ATP13A3: variants seen among roughly 807,000 people sequenced by gnomAD.
ATP13A3 encodes ATPase 13A3, also known as polyamine-transporting ATPase 13A3.
In ATP13A3, 59 loss-of-function variants were observed where a neutral mutation model predicts 158.1. The observed-to-expected ratio is 0.37, with a 90% CI of 0.30 to 0.46. ATP13A3 has a LOEUF of 0.46. Among genes scored for constraint, ATP13A3 ranks in the 20% least tolerant of loss-of-function variants. The probability of loss-of-function intolerance (pLI) is 1.00; values close to 1 mark genes in which losing one functional copy is unlikely to be tolerated. For missense variants in ATP13A3, 1,166 were observed against 1,525.2 expected (o/e 0.76, Z 3.92); for synonymous variants, 491 against 504.3 (o/e 0.97, Z 0.35).
chr3:194,447,718 G>A, intron 13 of ATP13A3, 134 bp downstream of exon 13: 8 of 780,320 alleles, frequency 1.0e-5, no homozygotes, highest in South Asian at 4.0e-5. Flanking sequence ...GACTTTGTTA[G>A]CATTAAATTA....
intron 17 of ATP13A3, among the ~76,000 whole-genome samples, 164 bp downstream of exon 17, chr3:194,438,692 T>C (rs1292962548): frequency 4.6e-5 from 7 of 152,162 alleles, no homozygotes; most frequent in Non-Finnish European, 7.4e-5. Context: ...ATCCCAGCAC[T>C]TGGGGAGGCC....
intron 31 of ATP13A3, among the ~76,000 whole-genome samples, chr3:194,416,119 A>C (rs1560071325): frequency 6.6e-6 from 1 of 152,214 alleles, no homozygotes; most frequent in African/African-American, 2.4e-5. Flanking sequence ...AATTCATCAC[A>C]TTCTTCAGGG....
intron 24 of ATP13A3, 24 bp from the exon 25 acceptor site, chr3:194,430,339 AT>A: frequency 6.2e-7 from 1 of 1,603,592 alleles, no homozygotes; most frequent in South Asian, 1.1e-5. Flanking sequence ...CAATGTTAAG[AT>A]TTTAATTAAT....
Position 194,431,773 on chromosome 3 carries a change from A to C in ATP13A3, c.2365T>G (p.Trp789Gly). 6.2e-7 allele frequency: 1 copy of C among 1,613,176 alleles called. No homozygotes were observed. Among genetic ancestry groups the C allele is most frequent in the Non-Finnish European group, 8.5e-7 (1 of 1,179,652 alleles). Residue 789 changes from tryptophan (W) to glycine (G), a missense_variant, in exon 22 of 34, where the codon TGG (tryptophan) becomes GGG (glycine). Physicochemically the swap from Trp to Gly is radical, Grantham distance 184. Transcript: ENST00000645319. Reference sequence around the variant, plus strand: ...TGCGTGAGGGAGTCTGCATAATGCCAATTTATTTTGGCAACTTTCCCATCC... The same window carrying C: ...TGCGTGAGGGAGTCTGCATAATGCCCATTTATTTTGGCAACTTTCCCATCC... ...PKDGKVAKIN[W>G]HYADSLTQCS...
intron 30 of ATP13A3, chr3:194,424,493 T>C (rs1446788891): frequency 2.0e-5 from 3 of 152,106 alleles, no homozygotes; most frequent in Non-Finnish European, 2.9e-5. Flanking sequence ...GCCTTATAAA[T>C]GCTAATATGA....
intron 31 of ATP13A3, among the ~76,000 whole-genome samples, chr3:194,417,204 C>T (rs562846712): frequency 5.3e-5 from 8 of 152,074 alleles, no homozygotes; most frequent in African/African-American, 1.7e-4. Context: ...GGAGCTCACC[C>T]GAGGTCAAGA....
In ATP13A3 at chr3:194,444,739, T is replaced by C; in HGVS notation, c.1545A>G (p.Arg515=). 2 of 1,595,964 alleles carry C rather than the reference T, an allele frequency of 1.3e-6. No homozygotes were observed. Among genetic ancestry groups the C allele is most frequent in the Admixed American group, 3.7e-5 (2 of 54,424 alleles). ...CTAATATTTACCGTGCATTTTCCAC[T>C]CGTTGAATCCCCCAAAGATCTAAAC... The part of the protein sequence containing the change: ...EDGLDLWGIQ[R]VENARFLSPE... The change falls in exon 15 of 34, where the codon CGA becomes CGG. Residue 515 remains arginine, a synonymous_variant. Coordinates refer to ENST00000645319, the MANE Select transcript of ATP13A3 (RefSeq NM_001367549.1).
intron 30 of ATP13A3, 112 bp from the exon 31 acceptor site, chr3:194,420,079 C>G (rs1443070514): frequency 4.3e-6 from 5 of 1,172,560 alleles, no homozygotes; most frequent in Non-Finnish European, 5.6e-6. Flanking sequence ...TGAATACTTT[C>G]ACTTCAGTTG....
chr3:194,434,013 A>AAGCAAGAAACCCCTGCAGTACTTG, intron 20 of ATP13A3, 117 bp from the exon 21 acceptor site: 1 of 1,076,808 alleles, frequency 9.3e-7, no homozygotes. Context: ...ATGCAGTTTA[A>AAGCAAGAAACCCCTGCAGTACTTG]AATATCTATA....
chr3:194,450,160 C>T lies in ATP13A3; in HGVS notation c.955G>A (p.Glu319Lys). ...VLINGTCIVN[E>K]SMLTGESVPV... ...TTTAGCTTACCTGTTAACATGCTTT[C>T]GTTTACAATGCAGGTACCATTAATA... Residue 319 changes from glutamate (E) to lysine (K), a missense_variant, in exon 11 of 34, where the codon GAA becomes AAA. Physicochemically the swap from Glu to Lys is moderately conservative, Grantham distance 56. Coordinates refer to ENST00000645319, the MANE Select transcript of ATP13A3 (RefSeq NM_001367549.1). The T allele has an allele frequency of 1.9e-6, 3 of 1,613,734 alleles. No individual in the cohort carries two copies. The highest frequency in any genetic ancestry group is 2.5e-6 in the Non-Finnish European group (3 of 1,179,826).
chr3:194,406,142 C>T, intron 33 of ATP13A3, 26 bp from the exon 34 acceptor site: 1 of 1,610,260 alleles, frequency 6.2e-7, no homozygotes, highest in Non-Finnish European at 8.5e-7. Context: ...AAAAACAAAA[C>T]AAAACACCCC....
chr3:194,460,852 C>T (rs1319244692), intron 3 of ATP13A3, 21 bp from the exon 4 acceptor site: 2 of 1,592,230 alleles, frequency 1.3e-6, no homozygotes, highest in Non-Finnish European at 1.7e-6. Context: ...ACAGCGATCA[C>T]ATGATTAATT....
intron 2 of ATP13A3, among the ~76,000 whole-genome samples, chr3:194,472,594 T>A (rs901299470): frequency 1.3e-5 from 2 of 152,138 alleles, no homozygotes; most frequent in African/African-American, 4.8e-5. Context: ...TGAGAAATTA[T>A]CTCAAAGAAC....
rs781034765 is a variant in ATP13A3, at chr3:194,419,888, C to T, written c.3393G>A (p.Gln1131=). 2 of 1,561,702 alleles carry T rather than the reference C, an allele frequency of 1.3e-6. No homozygotes were observed. Among genetic ancestry groups the T allele is most frequent in the African/African-American group, 2.8e-5 (2 of 71,156 alleles). The part of the protein sequence containing the change: ...IMLYPVASVD[Q]VLQIVCVPYQ... Reference sequence around the variant, plus strand: ...TGTGCTTAAGTCTTACCTGAAGAACCTGGTCAACAGAGGCAACTGGATACA... The same window carrying T: ...TGTGCTTAAGTCTTACCTGAAGAACTTGGTCAACAGAGGCAACTGGATACA... The change falls in exon 31 of 34, where the codon CAG becomes CAA. Residue 1131 remains glutamine, a synonymous_variant. Coordinates refer to ENST00000645319, the MANE Select transcript of ATP13A3 (RefSeq NM_001367549.1).
intron 33 of ATP13A3, among the ~76,000 whole-genome samples, chr3:194,407,932 T>C (rs1715062744): frequency 6.6e-6 from 1 of 152,198 alleles, no homozygotes; most frequent in African/African-American, 2.4e-5. Flanking sequence ...AGTTTACTAC[T>C]TGGATCTTAC....
At chr3:194,428,985 T>G (rs1018991978) in intron 27 of ATP13A3, 68 bp from the exon 28 acceptor site, 5 of 1,097,650 alleles carry the variant, frequency 4.6e-6, no homozygotes, top group Non-Finnish European at 5.2e-6. Context: ...CCAGGTTTTA[T>G]TAATAGTTTG....
intron 33 of ATP13A3, among the ~76,000 whole-genome samples, chr3:194,410,296 CAAAAAAAAAAAAAAAAAAAA>C (rs772008929): frequency 9.2e-5 from 2 of 21,806 alleles, no homozygotes; most frequent in Non-Finnish European, 1.5e-4. Context: ...CTCCTCTCTG[CAAAAAAAAAAAAAAAAAAAA>C]AAAAAAAAAA....
At chr3:194,484,304 TA>T (rs1236075180) in intron 2 of ATP13A3, among the ~76,000 whole-genome samples, 3 of 152,212 alleles carry the variant, frequency 2.0e-5, no homozygotes, top group Non-Finnish European at 4.4e-5. Context: ...GTTGAGACCA[TA>T]TGTAAAGAAA....
rs1716687481 is a variant in ATP13A3 at position 194,425,358 on chromosome 3, T to G, written c.3297A>C (p.Gln1099His). 6.2e-7 allele frequency: 1 copy of G among 1,611,950 alleles called. No homozygotes were observed. The highest frequency in any genetic ancestry group is 8.5e-7 in the Non-Finnish European group (1 of 1,179,356). Reference sequence around the variant, plus strand: ...CAAACTTACAATTTTTGTAGCAAGGTTGCCTGAAGGGTTTTCCTTTTGAAA... The same window carrying G: ...CAAACTTACAATTTTTGTAGCAAGGGTGCCTGAAGGGTTTTCCTTTTGAAA... ...IAFSKGKPFRQPCYKNYFFVF... is the reference protein window; with the variant it reads ...IAFSKGKPFRHPCYKNYFFVF... The change falls in exon 30 of 34, where the codon CAA becomes CAC. Residue 1099 changes from glutamine (Q) to histidine (H), a missense_variant. This residue lies in a region of ATP13A3 where 997 missense variants were observed against 1,341.2 expected (regional missense o/e 0.74). Coordinates refer to ENST00000645319, the MANE Select transcript of ATP13A3 (RefSeq NM_001367549.1).
Sources: gnomAD v4.1 joint callset for allele counts (sites outside exome capture counted in the v4.1 genomes callset) on GRCh38, gnomAD v4.1.1 for gene constraint, gnomAD v4.1.1 regional missense constraint, MANE v1.5 for transcripts, NCBI Gene and HGNC (gene_info 2026-07-23, HGNC 2026-07-21) for gene names.